MYH15: variants seen among roughly 807,000 people sequenced by gnomAD.
The protein encoded by MYH15 is myosin-15.
Under a neutral mutation model 240.5 loss-of-function variants are expected in MYH15, and 227 were observed. The observed-to-expected ratio is 0.94, with a 90% CI of 0.85 to 1.05. The LOEUF is 1.05. Among genes scored for constraint, MYH15 ranks in the 50% least tolerant of loss-of-function variants. The probability of loss-of-function intolerance (pLI) is 0.00; values close to 1 mark genes in which losing one functional copy is unlikely to be tolerated. For missense variants in MYH15, 2,217 were observed against 2,247.5 expected, an observed-to-expected ratio of 0.99 and a Z score of 0.27; for synonymous variants, 785 against 796.7, an observed-to-expected ratio of 0.99 and a Z score of 0.25.
intron 27 of MYH15, among the ~76,000 whole-genome samples, chr3:108,428,132 C>T (rs114168894): frequency 0.012 from 1,895 of 152,292 alleles, 17 homozygotes; most frequent in Non-Finnish European, 0.021. Context: ...CTAGGAGTAT[C>T]CAGGCCATCA....
Position 108,422,719 on chromosome 3 carries a change from T to C in MYH15, c.3703-1505A>G, listed in dbSNP as rs536306647. Reference sequence around the variant, plus strand: ...AAGAACTGGGAGACAAAGAAGAGATTACACCAATGAAATTTTGAGAAAACA... The same window carrying C: ...AAGAACTGGGAGACAAAGAAGAGATCACACCAATGAAATTTTGAGAAAACA... On this transcript the variant is annotated intron_variant, in intron 27 of 40. Transcript: ENST00000693548. Among the ~76,000 whole-genome samples the C allele has an allele frequency of 1.2e-4, 18 of 152,288 alleles. No homozygotes were observed. In the South Asian group the frequency reaches 3.7e-3, roughly 32 times the overall value.
intron 12 of MYH15, among the ~76,000 whole-genome samples, chr3:108,471,091 A>G (rs13089105): frequency 1.0e-4 from 3 of 29,394 alleles, no homozygotes; most frequent in Admixed American, 3.9e-4. Context: ...AAGGAAGGAA[A>G]GAAGGGAGGG....
chr3:108,490,513 G>A (rs2083338221), intron 9 of MYH15, among the ~76,000 whole-genome samples: 1 of 152,150 alleles, frequency 6.6e-6, no homozygotes. Flanking sequence ...ACTTTAAATG[G>A]TCTGCCATGG....
rs778917137 is a variant in MYH15 at position 108,398,641 on chromosome 3, G to A, written c.5129C>T (p.Thr1710Ile). ...GGGAGAGTATATGGGCCCCACCTGG[G>A]TATAGAAAAGATTGATTCTTTCTGT... ...EATERINLFY[T>I]QNTSLLSQKK... Residue 1710 changes from threonine (T) to isoleucine (I), a missense_variant, in exon 35 of 41, where the codon ACC (threonine) becomes ATC (isoleucine). By Grantham distance (89) the Thr-to-Ile change is moderately conservative (BLOSUM62 -1). Transcript: ENST00000693548. 7 of 1,612,814 alleles carry A rather than the reference G, an allele frequency of 4.3e-6. No individual in the cohort carries two copies. In the South Asian group the frequency reaches 7.7e-5, roughly 18 times the overall value.
At chr3:108,391,583 A>T (rs1193694599) in intron 37 of MYH15, among the ~76,000 whole-genome samples, 177 bp downstream of exon 37, 1 of 152,180 alleles carries the variant, frequency 6.6e-6, no homozygotes, top group Non-Finnish European at 1.5e-5. Context: ...GCTCACCCAA[A>T]GTCAAGCAAA....
chr3:108,431,310 T>C (rs948871145), intron 25 of MYH15, among the ~76,000 whole-genome samples: 1 of 152,254 alleles, frequency 6.6e-6, no homozygotes, highest in Non-Finnish European at 1.5e-5. Flanking sequence ...CACCCGAATC[T>C]CATCTTGAAT....
At chr3:108,518,250 T>C (rs187148301) in intron 1 of MYH15, among the ~76,000 whole-genome samples, 3 of 152,350 alleles carry the variant, frequency 2.0e-5, no homozygotes, top group Non-Finnish European at 2.9e-5. Context: ...GTGTTATCTC[T>C]AGTTTTAAAT....
intron 28 of MYH15, among the ~76,000 whole-genome samples, chr3:108,417,794 TATACACAC>T (rs910483958): frequency 1.1e-3 from 104 of 93,270 alleles, no homozygotes; most frequent in African/African-American, 2.5e-3. Flanking sequence ...TGTATATATA[TATACACAC>T]ACACACACAC....
chr3:108,486,978 C>CA (rs2083310860), intron 9 of MYH15, among the ~76,000 whole-genome samples: 1 of 152,202 alleles, frequency 6.6e-6, no homozygotes, highest in Non-Finnish European at 1.5e-5. Flanking sequence ...AAGCTGGGGT[C>CA]AGCGCCCAGG....
chr3:108,428,693 G>A lies in MYH15; in HGVS notation c.3501C>T (p.His1167=), dbSNP rs771629232. 1 of 1,613,816 alleles carries A rather than the reference G, an allele frequency of 6.2e-7. No individual in the cohort carries two copies. The stretch of plus-strand genomic sequence containing the variant: ...GCAGAGTGGCCTCTTCCATGTCTCG[G>A]TGCAGCTTCTGGAATTTGGTTTCCT... ...KKQETKFQKL[H]RDMEEATLHF... is the part of the protein sequence containing the mutation. Residue 1167 remains histidine (H), a synonymous_variant, in exon 27 of 41, where the codon CAC becomes CAT. Transcript: ENST00000693548.
At chr3:108,472,943 A>G (rs1196757892) in intron 12 of MYH15, among the ~76,000 whole-genome samples, 1 of 152,216 alleles carries the variant, frequency 6.6e-6, no homozygotes, top group Admixed American at 6.5e-5. Context: ...GGCTTTGGTT[A>G]CTGGGGGGCA....
chr3:108,433,748 T>G (rs574326276), intron 25 of MYH15, among the ~76,000 whole-genome samples: 1 of 152,340 alleles, frequency 6.6e-6, no homozygotes, highest in South Asian at 2.1e-4. Flanking sequence ...CTCCTTGTCT[T>G]CTGCCATGAC....
At chr3:108,534,417 T>C in the MYH15 span, among the ~76,000 whole-genome samples, 1 of 152,250 alleles carries the variant, frequency 6.6e-6, no homozygotes, top group Non-Finnish European at 1.5e-5. Flanking sequence ...AACTATTTGG[T>C]CTTTCATAAG....
rs34668097 is a variant in MYH15 at position 108,403,496 on chromosome 3, C to CTT, written c.4736+1840_4736+1841dup. Among the ~76,000 whole-genome samples, 115 of 133,420 alleles carry CTT rather than the reference C, an allele frequency of 8.6e-4. 1 individual carries two copies. Among genetic ancestry groups the CTT allele is most frequent in the Admixed American group, 1.6e-3 (21 of 13,254 alleles). 87.5% of individuals were successfully genotyped at this position (133,420 alleles called of 152,430 possible). ...TGATTGCTTGGAATCTTGTGTTTGG[C>CTT]TTTTTTTTTTTTTTTTTCCTCCTGG... On this transcript the variant is annotated intron_variant, in intron 33 of 40. Transcript: ENST00000693548.
the MYH15 span, among the ~76,000 whole-genome samples, chr3:108,549,341 AAAC>A: frequency 1.3e-5 from 2 of 152,000 alleles, no homozygotes; most frequent in African/African-American, 4.8e-5. Flanking sequence ...GCACTCAGAA[AAAC>A]AACAGAAACA....
Position 108,501,695 on chromosome 3 carries a change from G to A in MYH15, c.339+17C>T, listed in dbSNP as rs1435195652. Reference sequence around the variant, plus strand: ...GACTGCCAACATGACAGTTTAGCAGGAAAGCATATTACACACATAGATCAT... The same window carrying A: ...GACTGCCAACATGACAGTTTAGCAGAAAAGCATATTACACACATAGATCAT... On this transcript the variant is annotated intron_variant, in intron 3 of 40. Coordinates refer to ENST00000693548, the MANE Select transcript of MYH15 (RefSeq NM_014981.3). The A allele has an allele frequency of 1.9e-6, 3 of 1,613,438 alleles. No individual in the cohort carries two copies. In the African/African-American group the frequency reaches 4.0e-5, roughly 22 times the overall value.
intron 1 of MYH15, among the ~76,000 whole-genome samples, chr3:108,516,398 T>G (rs985798049): frequency 1.3e-5 from 2 of 152,168 alleles, no homozygotes; most frequent in African/African-American, 4.8e-5. Context: ...TTTATCTAGA[T>G]GTCAACAGCT....
At chr3:108,416,754 T>TC in intron 29 of MYH15, 58 bp downstream of exon 29, 3 of 1,213,716 alleles carry the variant, frequency 2.5e-6, no homozygotes, top group Non-Finnish European at 3.4e-6. Context: ...TCAAGCACTA[T>TC]TTTTTAAAAA....
chr3:108,544,810 A>G, the MYH15 span, among the ~76,000 whole-genome samples: 1 of 152,148 alleles, frequency 6.6e-6, no homozygotes, highest in Non-Finnish European at 1.5e-5. Flanking sequence ...TTTAAGGTAG[A>G]TAACACTAAA....
Sources: allele counts gnomAD v4.1 joint callset (sites outside exome capture counted in the v4.1 genomes callset), GRCh38; gene constraint gnomAD v4.1.1; transcripts MANE v1.5; gene names NCBI Gene and HGNC (gene_info 2026-07-23, HGNC 2026-07-21).